Variants in TAOK1 observed in about 807,000 individuals in gnomAD.
TAOK1 encodes the protein TAO kinase 1, also known as serine/threonine-protein kinase TAO1.
TAOK1 carries 21 observed loss-of-function variants against 138.3 expected under a neutral mutation model. That is an observed-to-expected ratio of 0.15 (90% CI 0.11 to 0.22). TAOK1 has a LOEUF of 0.22. Ranked by LOEUF, TAOK1 falls within the 10% of genes least tolerant of loss-of-function variation. The probability of loss-of-function intolerance (pLI) is 1.00; values close to 1 mark genes in which losing one functional copy is unlikely to be tolerated. For missense variants in TAOK1, 651 were observed against 1,227.7 expected (o/e 0.53, Z 7.02); for synonymous variants, 361 against 398.4 (o/e 0.91, Z 1.12).
intron 1 of TAOK1, among the ~76,000 whole-genome samples, chr17:29,399,536 T>C (rs879705772): frequency 1.2e-4 from 18 of 152,116 alleles, no homozygotes; most frequent in Middle Eastern, 3.4e-3. Context: ...AGGATGGTCT[T>C]GATCTCCTGA....
chr17:29,495,379 A>T (rs2153027964), intron 10 of TAOK1, among the ~76,000 whole-genome samples, 181 bp from the exon 11 acceptor site: 1 of 152,326 alleles, frequency 6.6e-6, no homozygotes, highest in Non-Finnish European at 1.5e-5. Context: ...AAGAATAGTT[A>T]TGTATGCACA....
intron 8 of TAOK1, among the ~76,000 whole-genome samples, chr17:29,483,537 A>G (rs2031107779): frequency 6.6e-6 from 1 of 152,220 alleles, no homozygotes. Flanking sequence ...CTTGCTTATT[A>G]TTACACAGTA....
chr17:29,400,904 C>CT (rs10539936), intron 1 of TAOK1, among the ~76,000 whole-genome samples: 2,467 of 105,164 alleles, frequency 0.023, 43 homozygotes, highest in African/African-American at 0.036. Flanking sequence ...TTGTTTGCCT[C>CT]TTTTTTTTTT....
chr17:29,400,904 CTTTTTTTTT>C (rs10539936), intron 1 of TAOK1, among the ~76,000 whole-genome samples: 1 of 105,272 alleles, frequency 9.5e-6, no homozygotes, highest in Non-Finnish European at 1.8e-5. Flanking sequence ...TTGTTTGCCT[CTTTTTTTTT>C]TTTTTTTTTT....
rs1229939570 is a variant in TAOK1 at position 29,533,067 on chromosome 17, C to T, written c.2362-1051C>T. On this transcript the variant is annotated intron_variant, in intron 18 of 19. Coordinates refer to ENST00000261716, the MANE Select transcript of TAOK1 (RefSeq NM_020791.4). ...GGGGTGGCTGCCGGGCGGAGATGCTCCTCACTTCCCAGACGGGGTGGCTGC... is the reference window on the plus strand; with the variant it reads ...GGGGTGGCTGCCGGGCGGAGATGCTTCTCACTTCCCAGACGGGGTGGCTGC... Among the ~76,000 whole-genome samples, 3 of 138,202 alleles carry T rather than the reference C, an allele frequency of 2.2e-5. 1 individual carries two copies. The Admixed American group carries it at 2.2e-4, about 10-fold the overall frequency. The allele number at this position is 138,202 out of a possible 152,430, so 90.7% of individuals were successfully genotyped here.
chr17:29,547,269 A>G lies in TAOK1; in HGVS notation c.*4247A>G, dbSNP rs1477356183. The G allele has an allele frequency of 6.6e-6, 1 of 152,176 alleles. No homozygotes were observed. 9.4% of individuals were successfully genotyped at this position (152,176 alleles called of 1,614,324 possible). ...TTTGCTGAGGATCAAAACAGCCAAG[A>G]AAGGAATTACTGCTAAAGCATCTAA... is the stretch of plus-strand genomic sequence containing the variant. On this transcript the variant is annotated 3_prime_UTR_variant, in exon 20 of 20. Transcript: ENST00000261716.
At chr17:29,468,203 C>T in intron 3 of TAOK1, among the ~76,000 whole-genome samples, 1 of 138,862 alleles carries the variant, frequency 7.2e-6, no homozygotes. Context: ...GTGGTGCGAT[C>T]TCAGCTCACT....
chr17:29,456,552 A>C (rs1270071580), intron 2 of TAOK1, among the ~76,000 whole-genome samples: 1 of 150,318 alleles, frequency 6.7e-6, no homozygotes, highest in African/African-American at 2.5e-5. Context: ...AAATCTGAAA[A>C]TCCAATGCTT....
At chr17:29,415,613 G>GT (rs1439805342) in intron 1 of TAOK1, among the ~76,000 whole-genome samples, 5 of 152,024 alleles carry the variant, frequency 3.3e-5, no homozygotes, top group African/African-American at 1.2e-4. Context: ...GCATCTTTTC[G>GT]TGCACTCAGC....
chr17:29,425,172 G>A (rs1484234764), intron 1 of TAOK1, among the ~76,000 whole-genome samples: 2 of 152,010 alleles, frequency 1.3e-5, no homozygotes, highest in East Asian at 3.9e-4. Context: ...CAGGTTCAAG[G>A]GATTCTCCTG....
intron 1 of TAOK1, among the ~76,000 whole-genome samples, chr17:29,441,180 C>T (rs1285151328): frequency 6.6e-6 from 1 of 152,078 alleles, no homozygotes; most frequent in African/African-American, 2.4e-5. Flanking sequence ...GGTATCAAGG[C>T]ACTACTGGCC....
At chr17:29,430,428 C>G (rs1008910961) in intron 1 of TAOK1, among the ~76,000 whole-genome samples, 3 of 152,166 alleles carry the variant, frequency 2.0e-5, no homozygotes, top group Non-Finnish European at 4.4e-5. Context: ...TGCAAACATC[C>G]GATTGGTTGC....
rs138819009 is a variant in TAOK1, at chr17:29,520,613, C to T, written c.1909-1667C>T. Reference sequence around the variant, plus strand: ...TATTTTTAATAGAGACTGGGTTTCACCATGTTGACCAGGTTGGTCTCGAAC... The same window carrying T: ...TATTTTTAATAGAGACTGGGTTTCATCATGTTGACCAGGTTGGTCTCGAAC... On this transcript the variant is annotated intron_variant, in intron 16 of 19. Transcript: ENST00000261716. Among the ~76,000 whole-genome samples the T allele has an allele frequency of 3.3e-3, 495 of 151,920 alleles. 6 individuals are homozygous for T. Among genetic ancestry groups the T allele is most frequent in the African/African-American group, 0.011 (474 of 41,504 alleles).
chr17:29,406,290 G>C (rs536436427), intron 1 of TAOK1, among the ~76,000 whole-genome samples: 1 of 151,916 alleles, frequency 6.6e-6, no homozygotes, highest in African/African-American at 2.4e-5. Context: ...TTATTTAACT[G>C]TTATACAGGT....
chr17:29,488,081 G>A (rs1461755795), intron 8 of TAOK1, among the ~76,000 whole-genome samples: 1 of 152,202 alleles, frequency 6.6e-6, no homozygotes, highest in Non-Finnish European at 1.5e-5. Flanking sequence ...CAGGAGTCCT[G>A]TATATCTCAG....
chr17:29,469,648 T>A (rs2030765610), intron 3 of TAOK1, among the ~76,000 whole-genome samples: 1 of 152,198 alleles, frequency 6.6e-6, no homozygotes, highest in East Asian at 1.9e-4. Flanking sequence ...CCTTCCTTTT[T>A]AAGTCTGAAA....
chr17:29,416,597 T>C lies in TAOK1; in HGVS notation c.-95+25573T>C, dbSNP rs572474318. On this transcript the variant is annotated intron_variant, in intron 1 of 19. Coordinates refer to ENST00000261716, the MANE Select transcript of TAOK1 (RefSeq NM_020791.4). ...ATACAACAAATTAAATAGAACACAT[T>C]GAGTGGCTTCTTTCCTTATTGCAAG... Among the ~76,000 whole-genome samples the C allele has an allele frequency of 3.9e-5, 6 of 152,270 alleles. No homozygotes were observed. In the South Asian group the frequency reaches 1.2e-3, roughly 32 times the overall value.
At chr17:29,405,553 C>T (rs1390458286) in intron 1 of TAOK1, among the ~76,000 whole-genome samples, 4 of 151,590 alleles carry the variant, frequency 2.6e-5, no homozygotes, top group Non-Finnish European at 1.5e-5. Flanking sequence ...CCGAGGTGGG[C>T]GGATCACCTG....
At chr17:29,451,766 A>G in intron 2 of TAOK1, 86 bp downstream of exon 2, 1 of 1,463,096 alleles carries the variant, frequency 6.8e-7, no homozygotes. Context: ...GAAAAGAGAT[A>G]TAGGCCATAG....
Sources: allele counts gnomAD v4.1 joint callset (sites outside exome capture counted in the v4.1 genomes callset), GRCh38; gene constraint gnomAD v4.1.1; transcripts MANE v1.5; gene names NCBI Gene and HGNC (gene_info 2026-07-23, HGNC 2026-07-21).